The following GPC6 variants were observed in gnomAD, a reference collection of about 807,000 sequenced individuals.
The protein encoded by GPC6 is glypican-6.
Under a neutral mutation model 55.2 loss-of-function variants are expected in GPC6, and 14 were observed. The ratio of observed to expected loss-of-function variants is 0.25; its 90% CI spans 0.17 to 0.40. GPC6 has a LOEUF of 0.40. Among genes scored for constraint, GPC6 ranks in the 10% least tolerant of loss-of-function variants. The pLI is 1.00. For synonymous variants in GPC6, 278 were observed against 259.6 expected (o/e 1.07, Z -0.68); for missense variants, 641 against 708.5 (o/e 0.90, Z 1.08).
chr13:93,681,725 A>G (rs189473424), intron 2 of GPC6, among the ~76,000 whole-genome samples: 2 of 152,336 alleles, frequency 1.3e-5, no homozygotes, highest in East Asian at 3.9e-4. Flanking sequence ...AATGCGAGAA[A>G]TGTTCAGAAT....
intron 4 of GPC6, among the ~76,000 whole-genome samples, chr13:94,216,446 T>C (rs114686868): frequency 1.1e-4 from 17 of 152,326 alleles, no homozygotes; most frequent in East Asian, 7.7e-4. Context: ...TCAACAGTTA[T>C]TATTATAAAT....
At chr13:93,276,422 A>C (rs1387644427) in intron 1 of GPC6, among the ~76,000 whole-genome samples, 1 of 151,724 alleles carries the variant, frequency 6.6e-6, no homozygotes, top group Non-Finnish European at 1.5e-5. Context: ...AGTCAGGAGC[A>C]CACAACTTAA....
Position 93,411,833 on chromosome 13 carries a change from T to C in GPC6, c.161-133430T>C, listed in dbSNP as rs538562999. Among the ~76,000 whole-genome samples the C allele has an allele frequency of 6.8e-4, 103 of 151,864 alleles. 2 individuals carry two copies. In the South Asian group the frequency reaches 0.02, roughly 30 times the overall value. On this transcript the variant is annotated intron_variant, in intron 1 of 8. Coordinates refer to ENST00000377047, the MANE Select transcript of GPC6 (RefSeq NM_005708.5). ...CTACCCAACCTGGTGAATCCCCGTCTCTACTAAAAATACAAAAACACTAGC... is the reference window on the plus strand; with the variant it reads ...CTACCCAACCTGGTGAATCCCCGTCCCTACTAAAAATACAAAAACACTAGC...
At chr13:94,192,898 T>C (rs1427287646) in intron 4 of GPC6, among the ~76,000 whole-genome samples, 1 of 152,072 alleles carries the variant, frequency 6.6e-6, no homozygotes, top group Admixed American at 6.6e-5. Context: ...GGGCATCAGT[T>C]TGCTGAAACC....
intron 4 of GPC6, among the ~76,000 whole-genome samples, chr13:94,145,972 G>T (rs1332204996): frequency 6.6e-6 from 1 of 152,144 alleles, no homozygotes; most frequent in Non-Finnish European, 1.5e-5. Context: ...TCTGAGCTAA[G>T]ATTTTATTTA....
At chr13:94,034,788 T>A (rs1883277487) in intron 4 of GPC6, among the ~76,000 whole-genome samples, 1 of 151,994 alleles carries the variant, frequency 6.6e-6, no homozygotes, top group African/African-American at 2.4e-5. Context: ...CAAGATGAGA[T>A]TTATGGTACA....
chr13:93,544,498 T>C (rs1404232156), intron 1 of GPC6, among the ~76,000 whole-genome samples: 1 of 152,202 alleles, frequency 6.6e-6, no homozygotes, highest in African/African-American at 2.4e-5. Context: ...ACTGAGCTGC[T>C]TCAATTGGAA....
chr13:93,566,776 C>T (rs1344408420), intron 2 of GPC6, among the ~76,000 whole-genome samples: 1 of 151,972 alleles, frequency 6.6e-6, no homozygotes, highest in Non-Finnish European at 1.5e-5. Context: ...CATATGTTCT[C>T]ATTGTTCAAC....
At chr13:94,043,722 T>G (rs911182669) in intron 4 of GPC6, among the ~76,000 whole-genome samples, 3 of 151,906 alleles carry the variant, frequency 2.0e-5, no homozygotes, top group Non-Finnish European at 4.4e-5. Flanking sequence ...TTAACATATT[T>G]GTTAAAGACA....
intron 4 of GPC6, among the ~76,000 whole-genome samples, chr13:94,170,344 G>A (rs1469990240): frequency 1.3e-5 from 2 of 152,148 alleles, no homozygotes; most frequent in South Asian, 2.1e-4. Flanking sequence ...TGCTAACTTG[G>A]GCTTTCTGAA....
At chr13:94,337,995 A>C (rs955816486) in intron 6 of GPC6, among the ~76,000 whole-genome samples, 1 of 152,210 alleles carries the variant, frequency 6.6e-6, no homozygotes, top group African/African-American at 2.4e-5. Flanking sequence ...CAATTCGCAC[A>C]CGTTAAGAAG....
chr13:94,058,326 T>C (rs1037819416), intron 4 of GPC6, among the ~76,000 whole-genome samples: 1 of 152,212 alleles, frequency 6.6e-6, no homozygotes, highest in Non-Finnish European at 1.5e-5. Flanking sequence ...CCTAGCCCAG[T>C]GCCAATGTTC....
At chr13:93,884,438 T>C (rs1875199641) in intron 3 of GPC6, among the ~76,000 whole-genome samples, 1 of 152,100 alleles carries the variant, frequency 6.6e-6, no homozygotes, top group South Asian at 2.1e-4. Flanking sequence ...TAAGCTATTA[T>C]GGATTTTTTT....
intron 4 of GPC6, among the ~76,000 whole-genome samples, chr13:94,112,227 A>ATTTG (rs576538734): frequency 9.5e-4 from 144 of 152,302 alleles, no homozygotes; most frequent in Middle Eastern, 3.4e-3. Context: ...GTAATTTAGT[A>ATTTG]AGTTTCTACT....
At chr13:94,118,376 G>T (rs1886508459) in intron 4 of GPC6, among the ~76,000 whole-genome samples, 1 of 151,908 alleles carries the variant, frequency 6.6e-6, no homozygotes, top group Admixed American at 6.6e-5. Context: ...AGTTTCCTGA[G>T]GTCTCCCCAG....
At chr13:93,599,373 A>G (rs758696445) in intron 2 of GPC6, among the ~76,000 whole-genome samples, 3 of 152,118 alleles carry the variant, frequency 2.0e-5, no homozygotes, top group East Asian at 3.9e-4. Flanking sequence ...AAATCCAACT[A>G]TTTGCTTATA....
rs565502515 is a variant in GPC6, at chr13:93,717,349, G to A, written c.320-112805G>A. On this transcript the variant is annotated intron_variant, in intron 2 of 8. Transcript: ENST00000377047. ...TTCTGATTTAAGTGTAAATAAGTTG[G>A]AAAATAAATAAATATGTAGGTGTGT... Among the ~76,000 whole-genome samples, 15 of 151,452 alleles carry A rather than the reference G, an allele frequency of 9.9e-5. 1 individual carries two copies. The highest frequency in any genetic ancestry group is 2.6e-4 in the Admixed American group (4 of 15,120).
intron 1 of GPC6, among the ~76,000 whole-genome samples, chr13:93,444,935 T>G (rs1305086395): frequency 6.6e-6 from 1 of 152,248 alleles, no homozygotes; most frequent in Non-Finnish European, 1.5e-5. Context: ...TCACTGAGTA[T>G]GGAACTTAGC....
chr13:93,486,479 T>C (rs1879716255), intron 1 of GPC6, among the ~76,000 whole-genome samples: 1 of 152,228 alleles, frequency 6.6e-6, no homozygotes, highest in Non-Finnish European at 1.5e-5. Context: ...ACAAAAACTC[T>C]GGATTTAATA....
Sources: allele counts gnomAD v4.1 joint callset (sites outside exome capture counted in the v4.1 genomes callset), GRCh38; gene constraint gnomAD v4.1.1; transcripts MANE v1.5; gene names NCBI Gene and HGNC (gene_info 2026-07-23, HGNC 2026-07-21).